The following PTPRS variants were observed in gnomAD, a reference collection of about 807,000 sequenced individuals.
PTPRS encodes protein tyrosine phosphatase receptor type S.
In PTPRS, 63 loss-of-function variants were observed where a neutral mutation model predicts 215.3. The ratio of observed to expected loss-of-function variants is 0.29; its 90% CI spans 0.24 to 0.36. The LOEUF is 0.36. Among genes scored for constraint, PTPRS ranks in the 10% least tolerant of loss-of-function variants. The pLI, the probability that PTPRS is intolerant of heterozygous loss-of-function variation, is 1.00. For missense variants in PTPRS, 2,258 were observed against 2,825.8 expected (o/e 0.80, Z 4.56); for synonymous variants, 1,404 against 1,191.4 (o/e 1.18, Z -3.68).
At chr19:5,255,769 G>A (rs1177183411) in intron 9 of PTPRS, among the ~76,000 whole-genome samples, 1 of 152,204 alleles carries the variant, frequency 6.6e-6, no homozygotes, top group Non-Finnish European at 1.5e-5. Context: ...TGACGACGAG[G>A]AGTGCAAAAA....
intron 35 of PTPRS, 128 bp from the exon 36 acceptor site, chr19:5,208,519 T>G: frequency 9.9e-7 from 1 of 1,009,048 alleles, no homozygotes; most frequent in Non-Finnish European, 1.4e-6. Context: ...TTCACTCTTG[T>G]CGCCCAGGTT....
At chr19:5,308,546 G>T (rs965971056) in intron 1 of PTPRS, among the ~76,000 whole-genome samples, 6 of 152,174 alleles carry the variant, frequency 3.9e-5, no homozygotes, top group Non-Finnish European at 7.3e-5. Flanking sequence ...CTGGTGGTGA[G>T]CATCGAGTGC....
chr19:5,237,087 G>A lies in PTPRS; in HGVS notation c.1849+1832C>T, dbSNP rs560981113. ...AAGACTTTCTTACGAGAGAGGGAACGGCCGAGCGCTGAGCTACAAGGCCAG... is the reference window on the plus strand; with the variant it reads ...AAGACTTTCTTACGAGAGAGGGAACAGCCGAGCGCTGAGCTACAAGGCCAG... On this transcript the variant is annotated intron_variant, in intron 13 of 37. Coordinates refer to ENST00000262963, the MANE Select transcript of PTPRS (RefSeq NM_002850.4). The surrounding 1 kb of genome is among the most constrained non-coding windows in gnomAD (Gnocchi z 4.2). Among the ~76,000 whole-genome samples the A allele has an allele frequency of 2.6e-5, 4 of 152,268 alleles. No individual in the cohort carries two copies. The highest frequency in any genetic ancestry group is 4.1e-4 in the South Asian group (2 of 4,828).
At chr19:5,274,404 C>T in intron 2 of PTPRS, 60 bp from the exon 3 acceptor site, 2 of 1,526,898 alleles carry the variant, frequency 1.3e-6, no homozygotes, top group Non-Finnish European at 1.8e-6. Flanking sequence ...GGCTAGGATA[C>T]CAAGGAGCCA....
chr19:5,337,698 T>C (rs1250683734), intron 1 of PTPRS, among the ~76,000 whole-genome samples: 2 of 151,846 alleles, frequency 1.3e-5, no homozygotes, highest in Non-Finnish European at 2.9e-5. Flanking sequence ...AAAAAATGGG[T>C]GCACAGTGAT....
At chr19:5,232,089 TCTA>T (rs1429206282) in intron 13 of PTPRS, among the ~76,000 whole-genome samples, 2 of 150,676 alleles carry the variant, frequency 1.3e-5, no homozygotes, top group South Asian at 2.1e-4. Context: ...TTGTTGAACA[TCTA>T]CTATGTGCCA....
At chr19:5,226,712 G>A (rs2042533994) in intron 16 of PTPRS, among the ~76,000 whole-genome samples, 1 of 152,080 alleles carries the variant, frequency 6.6e-6, no homozygotes, top group South Asian at 2.1e-4. Flanking sequence ...TCGTGGCACT[G>A]TACTCCAGCC....
At chr19:5,322,898 A>AAAAAAAAAAAG (rs775619490) in intron 1 of PTPRS, among the ~76,000 whole-genome samples, 20 of 120,334 alleles carry the variant, frequency 1.7e-4, no homozygotes, top group Non-Finnish European at 2.8e-4. Flanking sequence ...AAAAAAAAAA[A>AAAAAAAAAAAG]AAGAAGAAGA....
chr19:5,301,179 C>A (rs969269714), intron 1 of PTPRS, among the ~76,000 whole-genome samples: 23 of 152,228 alleles, frequency 1.5e-4, no homozygotes, highest in African/African-American at 5.5e-4. Context: ...GCAGCGCCAA[C>A]ATGCTGACTC....
In PTPRS at chr19:5,222,132, T is replaced by C; in HGVS notation, c.3192A>G (p.Thr1064=). 1 of 1,612,840 alleles carries C rather than the reference T, an allele frequency of 6.2e-7. No homozygotes were observed. The highest frequency in any genetic ancestry group is 8.5e-7 in the Non-Finnish European group (1 of 1,179,212). Residue 1064 remains threonine (T), a synonymous_variant, in exon 19 of 38, where the codon ACA becomes ACG. Coordinates refer to ENST00000262963, the MANE Select transcript of PTPRS (RefSeq NM_002850.4). ...GGCTGGGCAGTCGCACCTTGTAGGG[T>C]GTGGGTGAGTTGTAGTTGTCAGGGA... ...WEFPDNYNSP[T]PYKIQYNGLT...
At chr19:5,265,573 C>G (rs911750890) in intron 4 of PTPRS, among the ~76,000 whole-genome samples, 1 of 152,120 alleles carries the variant, frequency 6.6e-6, no homozygotes, top group Non-Finnish European at 1.5e-5. Flanking sequence ...AACTCCTGGC[C>G]CCAAGCAATC....
chr19:5,271,630 C>T (rs981982561), intron 4 of PTPRS, among the ~76,000 whole-genome samples: 5 of 151,516 alleles, frequency 3.3e-5, no homozygotes, highest in Non-Finnish European at 7.4e-5. Flanking sequence ...TAAGTCCTGA[C>T]CTCGCGATCT....
rs370688943 is a variant in PTPRS at position 5,275,584 on chromosome 19, T to C, written c.92-1240A>G. Among the ~76,000 whole-genome samples the C allele has an allele frequency of 1.2e-3, 175 of 151,510 alleles. 2 individuals carry two copies. The highest frequency in any genetic ancestry group is 4.0e-3 in the African/African-American group (164 of 41,350). ...ACTTTGGGAGGCTGAGGCCGGAGGA[T>C]CACCTGAGGTCAGCAGTTCGAGACC... On this transcript the variant is annotated intron_variant, in intron 2 of 37. Transcript: ENST00000262963.
In PTPRS at chr19:5,264,211, T is replaced by C. The variant is rs1351640370; in HGVS notation, c.568+797A>G. Reference sequence around the variant, plus strand: ...GAGAGACTCTCTCCCTGTAGTTTTCTATGGCTCCCCATCACCTTACTTGTC... The same window carrying C: ...GAGAGACTCTCTCCCTGTAGTTTTCCATGGCTCCCCATCACCTTACTTGTC... On this transcript the variant is annotated intron_variant, in intron 5 of 37. Coordinates refer to ENST00000262963, the MANE Select transcript of PTPRS (RefSeq NM_002850.4). Among the ~76,000 whole-genome samples the C allele has an allele frequency of 5.4e-5, 7 of 129,212 alleles. No homozygotes were observed. In the East Asian group the frequency reaches 1.8e-3, roughly 34 times the overall value. The allele number at this position is 129,212 out of a possible 152,430, so 84.8% of individuals were successfully genotyped here.
At chr19:5,289,382 T>C (rs971730841) in intron 1 of PTPRS, among the ~76,000 whole-genome samples, 1 of 152,186 alleles carries the variant, frequency 6.6e-6, no homozygotes, top group Admixed American at 6.5e-5. Flanking sequence ...CATCGTGGTC[T>C]CCCAGCTCCC....
At chr19:5,306,910 G>C (rs1445982242) in intron 1 of PTPRS, among the ~76,000 whole-genome samples, 2 of 152,120 alleles carry the variant, frequency 1.3e-5, no homozygotes, top group Admixed American at 1.3e-4. Flanking sequence ...AAATCTACCC[G>C]GCAGACACTT....
chr19:5,264,198 CCCTG>C lies in PTPRS; in HGVS notation c.568+806_568+809del, dbSNP rs2046238320. ...CTGCTCAGCCTTGGAGAGACTCTCT[CCCTG>C]TAGTTTTCTATGGCTCCCCATCACC... On this transcript the variant is annotated intron_variant, in intron 5 of 37. Transcript: ENST00000262963. Among the ~76,000 whole-genome samples the C allele has an allele frequency of 4.3e-5, 3 of 70,266 alleles. No individual in the cohort carries two copies. In the South Asian group the frequency reaches 1.5e-3, roughly 36 times the overall value. The allele number at this position is 70,266 out of a possible 152,430, so 46.1% of individuals were successfully genotyped here.
chr19:5,320,718 G>A (rs780379124), intron 1 of PTPRS, among the ~76,000 whole-genome samples: 2 of 151,712 alleles, frequency 1.3e-5, no homozygotes, highest in African/African-American at 2.4e-5. Context: ...GAGCCACCAC[G>A]TCCGGCCTGG....
intron 16 of PTPRS, among the ~76,000 whole-genome samples, chr19:5,228,347 G>GAAAAAAAAAAAAAAA (rs71170899): frequency 1.8e-4 from 19 of 105,884 alleles, no homozygotes; most frequent in African/African-American, 7.7e-4. Context: ...TCCGTCTGGA[G>GAAAAAAAAAAAAAAA]AAAAAAAAAA....
Sources: allele counts gnomAD v4.1 joint callset (sites outside exome capture counted in the v4.1 genomes callset), GRCh38; gene constraint gnomAD v4.1.1; non-coding constraint Gnocchi (gnomAD v3.1); transcripts MANE v1.5; gene names NCBI Gene and HGNC (gene_info 2026-07-23, HGNC 2026-07-21).